ATXN7L1: variants seen among roughly 807,000 people sequenced by gnomAD.
ATXN7L1 encodes ataxin 7 like 1.
ATXN7L1 carries 15 observed loss-of-function variants against 70.8 expected under a neutral mutation model. The observed-to-expected ratio is 0.21, with a 90% CI of 0.14 to 0.33. The LOEUF (loss-of-function observed/expected upper bound fraction) is 0.33, where lower values mean the gene tolerates loss of function less well. Ranked by LOEUF, ATXN7L1 falls within the 10% of genes least tolerant of loss-of-function variation. The pLI is 1.00. For synonymous variants in ATXN7L1, 440 were observed against 445.1 expected, an observed-to-expected ratio of 0.99 and a Z score of 0.14; for missense variants, 975 against 1,097.1, an observed-to-expected ratio of 0.89 and a Z score of 1.57.
Position 105,605,487 on chromosome 7 carries a change from TG to T in ATXN7L1, c.*2364del, listed in dbSNP as rs1792729074. 2 of 28,232 alleles carry T rather than the reference TG, an allele frequency of 7.1e-5. No individual in the cohort carries two copies. The highest frequency in any genetic ancestry group is 4.1e-4 in the Admixed American group (1 of 2,442). The allele number at this position is 28,232 out of a possible 1,614,324, so 1.7% of individuals were successfully genotyped here. On this transcript the variant is annotated 3_prime_UTR_variant, in exon 12 of 12. Coordinates refer to ENST00000419735, the MANE Select transcript of ATXN7L1 (RefSeq NM_020725.2). ...CATTCGATGAGGGTGGGGGGGGGGG[TG>T]GGGGCTCTTTATTCCAGCTTCCAAT...
chr7:105,611,228 C>CA (rs1481069646), intron 10 of ATXN7L1, among the ~76,000 whole-genome samples: 2 of 152,226 alleles, frequency 1.3e-5, no homozygotes, highest in Non-Finnish European at 2.9e-5. Flanking sequence ...GACTGTCCTT[C>CA]ACACAATGGG....
chr7:105,857,936 A>T (rs1284570371), intron 2 of ATXN7L1, among the ~76,000 whole-genome samples: 1 of 152,176 alleles, frequency 6.6e-6, no homozygotes, highest in Non-Finnish European at 1.5e-5. Context: ...ACAGGGGGAA[A>T]AAAAAAAGAA....
At chr7:105,717,112 C>T (rs1048838085) in intron 3 of ATXN7L1, among the ~76,000 whole-genome samples, 2 of 152,012 alleles carry the variant, frequency 1.3e-5, no homozygotes, top group Non-Finnish European at 2.9e-5. Flanking sequence ...ACATTATAAA[C>T]ATTTTTTCAT....
chr7:105,715,134 T>C (rs765726106), intron 3 of ATXN7L1, among the ~76,000 whole-genome samples: 5 of 152,298 alleles, frequency 3.3e-5, no homozygotes, highest in Admixed American at 6.5e-5. Flanking sequence ...ACTTGAAGTA[T>C]AGACTTCACT....
At chr7:105,774,270 G>A (rs1165377399) in intron 3 of ATXN7L1, among the ~76,000 whole-genome samples, 1 of 152,058 alleles carries the variant, frequency 6.6e-6, no homozygotes, top group Non-Finnish European at 1.5e-5. Flanking sequence ...TCATGTTTTT[G>A]GAGCTAGTGT....
At position 105,619,524 on chromosome 7, in the gene ATXN7L1, ATATATATTTTTTTTTTTTT is replaced by A. The variant is rs1294998233; in HGVS notation, c.1517+657_1517+675del. Among the ~76,000 whole-genome samples the A allele has an allele frequency of 7.9e-4, 17 of 21,546 alleles. No homozygotes were observed. The East Asian group carries it at 0.024, about 31-fold the overall frequency. 14.1% of individuals were successfully genotyped at this position (21,546 alleles called of 152,430 possible). On this transcript the variant is annotated intron_variant, in intron 9 of 11. Transcript: ENST00000419735. ...TATATATATATATATATATATATATATATATATTTTTTTTTTTTTTTTTTTTTTTTTTTTTTTTTTTTTA... is the reference window on the plus strand; with the variant it reads ...TATATATATATATATATATATATATATTTTTTTTTTTTTTTTTTTTTTTTA...
chr7:105,832,192 A>G (rs1163673102), intron 2 of ATXN7L1, among the ~76,000 whole-genome samples: 1 of 152,202 alleles, frequency 6.6e-6, no homozygotes, highest in Non-Finnish European at 1.5e-5. Flanking sequence ...AAACCCAGTT[A>G]CTTGACATTA....
At chr7:105,695,128 A>G (rs1479560311) in intron 3 of ATXN7L1, among the ~76,000 whole-genome samples, 1 of 149,152 alleles carries the variant, frequency 6.7e-6, no homozygotes, top group Non-Finnish European at 1.5e-5. Context: ...CTCTACTAAA[A>G]ATACAAAAAT....
At chr7:105,842,059 G>A (rs1181020157) in intron 2 of ATXN7L1, among the ~76,000 whole-genome samples, 3 of 152,134 alleles carry the variant, frequency 2.0e-5, no homozygotes, top group Admixed American at 6.5e-5. Flanking sequence ...CTCCCAGACC[G>A]TACTCTTCAT....
At chr7:105,708,047 T>C (rs943336697) in intron 3 of ATXN7L1, among the ~76,000 whole-genome samples, 22 of 152,256 alleles carry the variant, frequency 1.4e-4, no homozygotes. Context: ...ACGTGGCTGC[T>C]GTTGTCAGCA....
At chr7:105,622,893 T>C (rs150231571) in intron 8 of ATXN7L1, among the ~76,000 whole-genome samples, 1 of 152,170 alleles carries the variant, frequency 6.6e-6, no homozygotes, top group Non-Finnish European at 1.5e-5. Context: ...ACAGGGACCA[T>C]GCGTGAAAAG....
At chr7:105,791,374 G>C (rs1805208837) in intron 2 of ATXN7L1, among the ~76,000 whole-genome samples, 1 of 152,184 alleles carries the variant, frequency 6.6e-6, no homozygotes, top group Non-Finnish European at 1.5e-5. Context: ...TTATTAGTCA[G>C]GGCCTGGTAG....
intron 3 of ATXN7L1, among the ~76,000 whole-genome samples, chr7:105,672,005 C>T (rs369773752): frequency 2.0e-5 from 3 of 151,384 alleles, no homozygotes; most frequent in African/African-American, 4.9e-5. Flanking sequence ...AAGAGAGGCA[C>T]GGCCGGGCGT....
chr7:105,693,265 C>T (rs573074773), intron 3 of ATXN7L1, among the ~76,000 whole-genome samples: 2 of 152,236 alleles, frequency 1.3e-5, no homozygotes, highest in South Asian at 2.1e-4. Context: ...CATCATAGCT[C>T]ACTGCAGCCT....
chr7:105,676,437 G>A (rs1207701696), intron 3 of ATXN7L1, among the ~76,000 whole-genome samples: 1 of 152,218 alleles, frequency 6.6e-6, no homozygotes, highest in African/African-American at 2.4e-5. Context: ...CGCCCCCAGA[G>A]CACTGATGGG....
chr7:105,734,879 G>C (rs1018770213), intron 3 of ATXN7L1, among the ~76,000 whole-genome samples: 3 of 152,214 alleles, frequency 2.0e-5, no homozygotes, highest in Admixed American at 1.3e-4. Context: ...AGCAAAGAGA[G>C]AATACCTATT....
intron 2 of ATXN7L1, among the ~76,000 whole-genome samples, chr7:105,818,295 G>A (rs1457838957): frequency 6.6e-6 from 1 of 152,156 alleles, no homozygotes; most frequent in African/African-American, 2.4e-5. Flanking sequence ...TCAGCCTCCT[G>A]AGTGGCTGGG....
intron 3 of ATXN7L1, among the ~76,000 whole-genome samples, chr7:105,665,849 C>T (rs943316845): frequency 1.3e-5 from 2 of 152,220 alleles, no homozygotes; most frequent in African/African-American, 2.4e-5. Flanking sequence ...CACACCCCTG[C>T]TATGGCCTCC....
chr7:105,789,760 A>C (rs986617626), intron 2 of ATXN7L1, among the ~76,000 whole-genome samples: 9 of 152,024 alleles, frequency 5.9e-5, no homozygotes, highest in African/African-American at 2.2e-4. Context: ...GAACAATGAG[A>C]AGTACTGGGG....
Sources: allele counts gnomAD v4.1 joint callset (sites outside exome capture counted in the v4.1 genomes callset), GRCh38; gene constraint gnomAD v4.1.1; transcripts MANE v1.5; gene names NCBI Gene and HGNC (gene_info 2026-07-23, HGNC 2026-07-21).